ARGLU1: variants seen among roughly 807,000 people sequenced by gnomAD.
The protein encoded by ARGLU1 is arginine and glutamate rich 1.
A neutral mutation model predicts 37.6 loss-of-function variants in ARGLU1; 9 were observed. The observed-to-expected ratio is 0.24, with a 90% CI of 0.14 to 0.42. The LOEUF is 0.42. Among genes scored for constraint, ARGLU1 ranks in the 10% least tolerant of loss-of-function variants. The pLI is 1.00. For missense variants in ARGLU1, 211 were observed against 359.2 expected, an observed-to-expected ratio of 0.59 and a Z score of 3.34; for synonymous variants, 166 against 138.5, an observed-to-expected ratio of 1.20 and a Z score of -1.39.
chr13:106,560,509 TG>T (rs1211482783), intron 1 of ARGLU1, among the ~76,000 whole-genome samples: 4 of 152,228 alleles, frequency 2.6e-5, no homozygotes, highest in Non-Finnish European at 5.9e-5. Context: ...TGGTCCAAAC[TG>T]AAATTTAGTA....
intron 3 of ARGLU1, among the ~76,000 whole-genome samples, chr13:106,545,184 C>T (rs532380186): frequency 6.6e-6 from 1 of 152,300 alleles, no homozygotes; most frequent in South Asian, 2.1e-4. Context: ...TGCTACACAT[C>T]CTATAATATG....
chr13:106,567,222 C>A lies in ARGLU1; in HGVS notation c.347+351G>T, dbSNP rs535636089. On this transcript the variant is annotated intron_variant, in intron 1 of 3. Transcript: ENST00000400198. The surrounding 1 kb of genome is among the most constrained non-coding windows in gnomAD (Gnocchi z 4.3). ...CACCCTCCACATCTGCAGGCCGGCTCGCTCCCGGCCTCACAAGCCAACGCA... is the reference window on the plus strand; with the variant it reads ...CACCCTCCACATCTGCAGGCCGGCTAGCTCCCGGCCTCACAAGCCAACGCA... Among the ~76,000 whole-genome samples, 140 of 152,220 alleles carry A rather than the reference C, an allele frequency of 9.2e-4. 1 individual carries two copies. Among genetic ancestry groups the A allele is most frequent in the African/African-American group, 3.2e-3 (132 of 41,544 alleles).
chr13:106,546,928 T>G (rs1462233350), intron 3 of ARGLU1, among the ~76,000 whole-genome samples: 2 of 152,148 alleles, frequency 1.3e-5, no homozygotes, highest in African/African-American at 2.4e-5. Flanking sequence ...TTAACTGGCA[T>G]TGTTAACAGT....
chr13:106,558,581 GA>G, intron 2 of ARGLU1: 2 of 985,394 alleles, frequency 2.0e-6, no homozygotes, highest in Non-Finnish European at 2.4e-6. Flanking sequence ...GTGTTTCAGT[GA>G]CTTTCACCAA....
At chr13:106,549,456 GA>G (rs199972940) in intron 3 of ARGLU1, among the ~76,000 whole-genome samples, 1,809 of 152,012 alleles carry the variant, frequency 0.012, 31 homozygotes, top group African/African-American at 0.04. Flanking sequence ...ATAAAAAAAT[GA>G]AAAAAATATA....
At chr13:106,555,505 A>G (rs1880640073) in intron 3 of ARGLU1, among the ~76,000 whole-genome samples, 1 of 152,216 alleles carries the variant, frequency 6.6e-6, no homozygotes, top group Non-Finnish European at 1.5e-5. Flanking sequence ...ATCAATATTA[A>G]GGGTTTTAGA....
intron 1 of ARGLU1, among the ~76,000 whole-genome samples, chr13:106,563,355 C>A (rs144475119): frequency 3.9e-5 from 6 of 152,258 alleles, no homozygotes; most frequent in African/African-American, 1.4e-4. Context: ...TAGACTCGAG[C>A]ACACTGGATG....
At chr13:106,544,503 G>A (rs1011070628) in intron 3 of ARGLU1, among the ~76,000 whole-genome samples, 2 of 152,082 alleles carry the variant, frequency 1.3e-5, no homozygotes, top group Admixed American at 1.3e-4. Flanking sequence ...TTATGGAAAA[G>A]CATTTACACA....
chr13:106,566,045 T>C (rs1442847392), intron 1 of ARGLU1, among the ~76,000 whole-genome samples: 2 of 152,256 alleles, frequency 1.3e-5, no homozygotes, highest in Non-Finnish European at 2.9e-5. Context: ...TAGGTAACTT[T>C]TCATACATCC....
rs562867982 is a variant in ARGLU1 at position 106,563,001 on chromosome 13, A to C, written c.348-3344T>G. On this transcript the variant is annotated intron_variant, in intron 1 of 3. Coordinates refer to ENST00000400198, the MANE Select transcript of ARGLU1 (RefSeq NM_018011.4). ...GCAAGACCCTGTCTCAAAAAAAAAA[A>C]AAAAAAACAAAAAAAAAAACCACTA... Among the ~76,000 whole-genome samples, 197 of 121,458 alleles carry C rather than the reference A, an allele frequency of 1.6e-3. 1 individual carries two copies. The highest frequency in any genetic ancestry group is 0.012 in the South Asian group (43 of 3,724). The allele number at this position is 121,458 out of a possible 152,430, so 79.7% of individuals were successfully genotyped here. A position where few individuals can be genotyped will look rare whatever the true frequency, so the allele number is the denominator to read the frequency against.
In ARGLU1 at chr13:106,567,833, C is replaced by G. The variant is rs1358223698; in HGVS notation, c.87G>C (p.Ser29=). ...KHNKKRSRSR[S]RSRDKERVRK... ...GCACGCGCTCCTTGTCCCGGGATCG[C>G]GACCGGGACCGGCTGCGCTTCTTGT... The change falls in exon 1 of 4, where the codon TCG becomes TCC. Residue 29 remains serine, a synonymous_variant. Transcript: ENST00000400198. This position sits in a 1 kb window ranked among gnomAD's most constrained non-coding sequence, Gnocchi z 4.3. 5.6e-6 allele frequency: 9 copies of G among 1,613,520 alleles called. No individual in the cohort carries two copies. The highest frequency in any genetic ancestry group is 7.6e-6 in the Non-Finnish European group (9 of 1,179,898).
At position 106,557,159 on chromosome 13, in the gene ARGLU1, A is replaced by C; in HGVS notation, c.574-28T>G. On this transcript the variant is annotated intron_variant, in intron 2 of 3. Coordinates refer to ENST00000400198, the MANE Select transcript of ARGLU1 (RefSeq NM_018011.4). This position sits in a 1 kb window ranked among gnomAD's most constrained non-coding sequence, Gnocchi z 5.0. ...AAAGGGGAGGATATGTTAAGATATTAGAAAAACAAAATGTTTATTTTTATT... is the reference window on the plus strand; with the variant it reads ...AAAGGGGAGGATATGTTAAGATATTCGAAAAACAAAATGTTTATTTTTATT... The C allele has an allele frequency of 6.4e-7, 1 of 1,555,080 alleles. No homozygotes were observed. Among genetic ancestry groups the C allele is most frequent in the Non-Finnish European group, 8.9e-7 (1 of 1,129,400 alleles).
intron 2 of ARGLU1, chr13:106,558,067 A>T (rs1880700991): frequency 1.0e-6 from 1 of 985,312 alleles, no homozygotes; most frequent in Non-Finnish European, 1.2e-6. Flanking sequence ...ATCACAGCAT[A>T]CATATTCAAA....
Position 106,565,712 on chromosome 13 carries a change from A to C in ARGLU1, c.347+1861T>G, listed in dbSNP as rs182009060. The stretch of plus-strand genomic sequence containing the variant: ...GTTTCCAAGACATTAGAATATATTA[A>C]ATAAAATGCCTATTGTACGGCACCC... On this transcript the variant is annotated intron_variant, in intron 1 of 3. Transcript: ENST00000400198. Among the ~76,000 whole-genome samples the C allele has an allele frequency of 3.4e-3, 511 of 152,338 alleles. 9 individuals are homozygous for C. Among genetic ancestry groups the C allele is most frequent in the Admixed American group, 0.029 (443 of 15,302 alleles).
In ARGLU1 at chr13:106,557,581, A is replaced by C; in HGVS notation, c.574-450T>G. Reference sequence around the variant, plus strand: ...TACTGTCTTGTCCAGTGTCCTGCAGAGTGTGCTCCTCGGCTGCCATACGCG... The same window carrying C: ...TACTGTCTTGTCCAGTGTCCTGCAGCGTGTGCTCCTCGGCTGCCATACGCG... On this transcript the variant is annotated intron_variant, in intron 2 of 3. Coordinates refer to ENST00000400198, the MANE Select transcript of ARGLU1 (RefSeq NM_018011.4). This position sits in a 1 kb window ranked among gnomAD's most constrained non-coding sequence, Gnocchi z 5.0. The C allele has an allele frequency of 6.2e-7, 1 of 1,608,774 alleles. No homozygotes were observed. Among genetic ancestry groups the C allele is most frequent in the Non-Finnish European group, 8.5e-7 (1 of 1,178,060 alleles).
Position 106,558,653 on chromosome 13 carries a change from G to C in ARGLU1, c.573+779C>G. 3 of 985,414 alleles carry C rather than the reference G, an allele frequency of 3.0e-6. No individual in the cohort carries two copies. The South Asian group carries it at 1.4e-4, about 46-fold the overall frequency. 61.0% of individuals were successfully genotyped at this position (985,414 alleles called of 1,614,324 possible). Reference sequence around the variant, plus strand: ...CATAAAGCTTCAGTAGCAAATTACTGTCTCACAGAAAGACATTTTCAACTT... The same window carrying C: ...CATAAAGCTTCAGTAGCAAATTACTCTCTCACAGAAAGACATTTTCAACTT... On this transcript the variant is annotated intron_variant, in intron 2 of 3. Coordinates refer to ENST00000400198, the MANE Select transcript of ARGLU1 (RefSeq NM_018011.4).
At chr13:106,561,750 A>G (rs1331625317) in intron 1 of ARGLU1, 1 of 152,218 alleles carries the variant, frequency 6.6e-6, no homozygotes, top group East Asian at 1.9e-4. Flanking sequence ...GCCATCCCTC[A>G]GCAAAAGCGC....
intron 2 of ARGLU1, chr13:106,558,984 C>T: frequency 5.1e-6 from 5 of 985,400 alleles, no homozygotes; most frequent in Non-Finnish European, 6.0e-6. Flanking sequence ...GGTGCTATCA[C>T]TCAATGTTAG....
At position 106,544,805 on chromosome 13, in the gene ARGLU1, A is replaced by AT. The variant is rs1342615700; in HGVS notation, c.658-646_658-645insA. On this transcript the variant is annotated intron_variant, in intron 3 of 3. Coordinates refer to ENST00000400198, the MANE Select transcript of ARGLU1 (RefSeq NM_018011.4). ...TATATTATAGTATCAGTAGACAACC[A>AT]AGAAACACGACAGACCCAATTACCT... Among the ~76,000 whole-genome samples, 6 of 152,210 alleles carry AT rather than the reference A, an allele frequency of 3.9e-5. No individual in the cohort carries two copies. The South Asian group carries it at 1.0e-3, about 26-fold the overall frequency.
Sources: allele counts gnomAD v4.1 joint callset (sites outside exome capture counted in the v4.1 genomes callset), GRCh38; gene constraint gnomAD v4.1.1; non-coding constraint Gnocchi (gnomAD v3.1); transcripts MANE v1.5; gene names NCBI Gene and HGNC (gene_info 2026-07-23, HGNC 2026-07-21).